MAGI3: variants seen among roughly 807,000 people sequenced by gnomAD.
MAGI3 encodes membrane associated guanylate kinase, WW and PDZ domain containing 3.
MAGI3 carries 43 observed loss-of-function variants against 121.8 expected under a neutral mutation model. The ratio of observed to expected loss-of-function variants is 0.35; its 90% confidence interval spans 0.28 to 0.46. The LOEUF (loss-of-function observed/expected upper bound fraction) is 0.46, where lower values mean the gene tolerates loss of function less well. Ranked by LOEUF, MAGI3 falls within the 20% of genes least tolerant of loss-of-function variation. The pLI is 1.00. For missense variants in MAGI3, 1,547 were observed against 1,797.3 expected (o/e 0.86, Z 2.52); for synonymous variants, 553 against 639.3 (o/e 0.86, Z 2.04).
At chr1:113,649,029 TCATA>T (rs1653005815) in intron 12 of MAGI3, among the ~76,000 whole-genome samples, 1 of 152,190 alleles carries the variant, frequency 6.6e-6, no homozygotes, top group Non-Finnish European at 1.5e-5. Context: ...TAAACAGTCT[TCATA>T]CAGTTTTGTT....
chr1:113,649,235 A>G lies in MAGI3; in HGVS notation c.2156-2A>G, dbSNP rs754557209. 6.2e-7 allele frequency: 1 copy of G among 1,607,424 alleles called. No individual in the cohort carries two copies. The highest frequency in any genetic ancestry group is 8.5e-7 in the Non-Finnish European group (1 of 1,177,750). ...GTATTTATATTTTCTGATTTTCCTC[A>G]GCACCAAACACCAAAGATTTGGATG... On this transcript the variant is annotated splice_acceptor_variant, in intron 12 of 20. Coordinates refer to ENST00000307546, the MANE Select transcript of MAGI3 (RefSeq NM_001142782.2). LOFTEE classifies it high-confidence loss of function.
chr1:113,471,310 A>G (rs1044238801), intron 1 of MAGI3, among the ~76,000 whole-genome samples: 2 of 152,226 alleles, frequency 1.3e-5, no homozygotes, highest in Non-Finnish European at 2.9e-5. Flanking sequence ...AGAATCACTA[A>G]CAGGAAGAAA....
chr1:113,656,918 TTTAAGA>T (rs1653505228), intron 15 of MAGI3, among the ~76,000 whole-genome samples: 1 of 152,212 alleles, frequency 6.6e-6, no homozygotes, highest in Non-Finnish European at 1.5e-5. Context: ...AAGGCCTCTA[TTTAAGA>T]TTAAGAAGAC....
intron 9 of MAGI3, among the ~76,000 whole-genome samples, chr1:113,632,097 T>G (rs1437235431): frequency 6.6e-6 from 1 of 152,216 alleles, no homozygotes; most frequent in East Asian, 1.9e-4. Flanking sequence ...TTTTTTGATC[T>G]CTCATATTAT....
chr1:113,496,887 G>C (rs1158938431), intron 1 of MAGI3, among the ~76,000 whole-genome samples: 1 of 152,146 alleles, frequency 6.6e-6, no homozygotes. Context: ...ATTGACTGAG[G>C]CTCCTTAGAT....
chr1:113,603,958 G>A (rs1395368975), intron 6 of MAGI3, among the ~76,000 whole-genome samples: 1 of 152,122 alleles, frequency 6.6e-6, no homozygotes, highest in Non-Finnish European at 1.5e-5. Context: ...CCTTATTCCA[G>A]CCAGAGTAAT....
intron 1 of MAGI3, among the ~76,000 whole-genome samples, chr1:113,403,138 C>T (rs1651493065): frequency 6.6e-6 from 1 of 152,094 alleles, no homozygotes; most frequent in Non-Finnish European, 1.5e-5. Flanking sequence ...TAGACTGAGC[C>T]TCTGAGAATG....
In MAGI3 at chr1:113,491,100, A is replaced by G. The variant is rs534584632; in HGVS notation, c.317-58415A>G. Among the ~76,000 whole-genome samples, 6 of 152,330 alleles carry G rather than the reference A, an allele frequency of 3.9e-5. No individual in the cohort carries two copies. The East Asian group carries it at 9.6e-4, about 24-fold the overall frequency. On this transcript the variant is annotated intron_variant, in intron 1 of 20. Transcript: ENST00000307546. ...CATTCTTATCATTGTCACATGGAAC[A>G]TACTCTAAAATTGATCACATAAGTG...
chr1:113,539,188 A>T (rs1323955151), intron 1 of MAGI3, among the ~76,000 whole-genome samples: 5 of 152,060 alleles, frequency 3.3e-5, no homozygotes, highest in African/African-American at 1.2e-4. Flanking sequence ...AGGTCAAGAG[A>T]TCGAGACCAT....
chr1:113,572,771 G>T (rs1055337250), intron 2 of MAGI3, among the ~76,000 whole-genome samples: 2 of 152,022 alleles, frequency 1.3e-5, no homozygotes, highest in Non-Finnish European at 2.9e-5. Flanking sequence ...GCATTTATTT[G>T]ATTCTTCTCT....
chr1:113,496,820 A>G (rs911381416), intron 1 of MAGI3, among the ~76,000 whole-genome samples: 1 of 152,222 alleles, frequency 6.6e-6, no homozygotes, highest in African/African-American at 2.4e-5. Context: ...TAGGCTGTAT[A>G]CATTTTTTTA....
chr1:113,529,902 C>T (rs1658626448), intron 1 of MAGI3, among the ~76,000 whole-genome samples: 1 of 151,762 alleles, frequency 6.6e-6, no homozygotes, highest in Middle Eastern at 3.4e-3. Flanking sequence ...ATATTTTCAC[C>T]AGAAAATTCA....
intron 1 of MAGI3, among the ~76,000 whole-genome samples, chr1:113,476,329 G>C (rs1039604405): frequency 2.6e-5 from 4 of 152,114 alleles, no homozygotes; most frequent in African/African-American, 7.2e-5. Context: ...GTCAATTTTA[G>C]ATCTTTCCTG....
intron 1 of MAGI3, among the ~76,000 whole-genome samples, chr1:113,447,117 C>G (rs537795835): frequency 6.6e-6 from 1 of 152,278 alleles, no homozygotes; most frequent in South Asian, 2.1e-4. Context: ...TACTACTGAA[C>G]TGTACACTTA....
At chr1:113,582,328 A>C (rs2101721959) in intron 3 of MAGI3, among the ~76,000 whole-genome samples, 1 of 152,186 alleles carries the variant, frequency 6.6e-6, no homozygotes, top group South Asian at 2.1e-4. Flanking sequence ...ATGTAGACAC[A>C]TATGGGAATA....
chr1:113,572,611 T>TTC (rs1647368757), intron 2 of MAGI3, among the ~76,000 whole-genome samples: 1 of 152,156 alleles, frequency 6.6e-6, no homozygotes, highest in South Asian at 2.1e-4. Context: ...TTCTTCCTGG[T>TTC]TTAGTCTTGG....
intron 1 of MAGI3, among the ~76,000 whole-genome samples, chr1:113,405,203 G>T (rs970079456): frequency 6.6e-6 from 1 of 152,116 alleles, no homozygotes; most frequent in Non-Finnish European, 1.5e-5. Context: ...TGAAAGGCCA[G>T]ATGTGGTGGC....
At chr1:113,397,492 G>T (rs77609547) in intron 1 of MAGI3, among the ~76,000 whole-genome samples, 1 of 152,016 alleles carries the variant, frequency 6.6e-6, no homozygotes, top group Non-Finnish European at 1.5e-5. Context: ...GGGCAAAAAC[G>T]TTCCATACAG....
chr1:113,643,066 G>A (rs1190865617), intron 10 of MAGI3, among the ~76,000 whole-genome samples: 2 of 152,214 alleles, frequency 1.3e-5, no homozygotes, highest in Non-Finnish European at 2.9e-5. Flanking sequence ...AAACCACACA[G>A]TGCTTATGTG....
Sources: gnomAD v4.1 joint callset for allele counts (sites outside exome capture counted in the v4.1 genomes callset) on GRCh38, gnomAD v4.1.1 for gene constraint, MANE v1.5 for transcripts, NCBI Gene and HGNC (gene_info 2026-07-23, HGNC 2026-07-21) for gene names.